CSMD1: variants seen among roughly 807,000 people sequenced by gnomAD.
CSMD1 encodes CUB and Sushi multiple domains 1.
In CSMD1, 213 loss-of-function variants were observed where a neutral mutation model predicts 417.5. The ratio of observed to expected loss-of-function variants is 0.51; its 90% confidence interval spans 0.46 to 0.57. The LOEUF is 0.57. Among genes scored for constraint, CSMD1 ranks in the 20% least tolerant of loss-of-function variants. CSMD1 has a pLI of 0.00. For missense variants in CSMD1, 6,923 were observed against 4,529.7 expected, an observed-to-expected ratio of 1.53 and a Z score of -15.17; for synonymous variants, 2,862 against 1,736.8, an observed-to-expected ratio of 1.65 and a Z score of -16.11.
chr8:4,864,950 G>T (rs10086076), intron 1 of CSMD1, among the ~76,000 whole-genome samples: 10,304 of 89,764 alleles, frequency 0.11, 1,079 homozygotes, highest in African/African-American at 0.29. Flanking sequence ...TATTCTGAAA[G>T]ACATATTTAA....
At chr8:4,071,111 G>A (rs997324175) in intron 3 of CSMD1, among the ~76,000 whole-genome samples, 1 of 151,962 alleles carries the variant, frequency 6.6e-6, no homozygotes, top group Non-Finnish European at 1.5e-5. Context: ...AGAGACTCTT[G>A]AGTCTTTTTT....
At chr8:4,132,368 T>C (rs1447008404) in intron 3 of CSMD1, among the ~76,000 whole-genome samples, 1 of 152,148 alleles carries the variant, frequency 6.6e-6, no homozygotes, top group Non-Finnish European at 1.5e-5. Flanking sequence ...GTAGAATACA[T>C]CTTGACTTTG....
intron 4 of CSMD1, among the ~76,000 whole-genome samples, chr8:4,017,456 A>T (rs1414731993): frequency 2.0e-5 from 3 of 151,976 alleles, no homozygotes; most frequent in Non-Finnish European, 4.4e-5. Context: ...ACAGGCATGC[A>T]CCAGCATTCC....
At chr8:4,432,113 T>A (rs190237962) in intron 2 of CSMD1, among the ~76,000 whole-genome samples, 1 of 152,266 alleles carries the variant, frequency 6.6e-6, no homozygotes, top group African/African-American at 2.4e-5. Context: ...TTCAAAAAGG[T>A]GATTATATAA....
chr8:4,114,721 G>C (rs1175294113), intron 3 of CSMD1, among the ~76,000 whole-genome samples: 1 of 152,144 alleles, frequency 6.6e-6, no homozygotes, highest in Non-Finnish European at 1.5e-5. Context: ...TAGGAGTTTA[G>C]AAGAAGTTGA....
intron 5 of CSMD1, among the ~76,000 whole-genome samples, chr8:3,987,110 A>C (rs2627387): frequency 0.29 from 44,384 of 152,018 alleles, 6,978 homozygotes; most frequent in African/African-American, 0.42. Flanking sequence ...CTTTCTCCCA[A>C]CTTACTGGAA....
chr8:4,031,625 G>T (rs72624012), intron 4 of CSMD1, among the ~76,000 whole-genome samples: 23,156 of 152,022 alleles, frequency 0.15, 2,408 homozygotes, highest in East Asian at 0.39. Flanking sequence ...TGTGGTCCAA[G>T]CATGACTTTT....
At chr8:4,455,929 C>CAA (rs71207091) in intron 2 of CSMD1, among the ~76,000 whole-genome samples, 339 of 11,616 alleles carry the variant, frequency 0.029, 90 homozygotes, top group East Asian at 0.075. Context: ...ACTCCAACTC[C>CAA]AAAAAAAAAA....
intron 12 of CSMD1, among the ~76,000 whole-genome samples, chr8:3,439,309 A>ATATATATTTTTTTTT: frequency 8.0e-5 from 5 of 62,462 alleles, no homozygotes; most frequent in Admixed American, 2.2e-4. Flanking sequence ...ATATATATAT[A>ATATATATTTTTTTTT]TTTTTTTTTT....
intron 2 of CSMD1, among the ~76,000 whole-genome samples, chr8:4,575,666 T>C (rs1473633675): frequency 6.6e-6 from 1 of 152,168 alleles, no homozygotes; most frequent in Admixed American, 6.6e-5. Context: ...GGAATAAAAT[T>C]GTCTAAATAC....
At chr8:4,321,451 C>T (rs1040865188) in intron 3 of CSMD1, among the ~76,000 whole-genome samples, 2 of 152,114 alleles carry the variant, frequency 1.3e-5, no homozygotes, top group African/African-American at 4.8e-5. Context: ...GGGAATCTTA[C>T]CTTATCACTC....
At chr8:4,131,393 C>A (rs1003296572) in intron 3 of CSMD1, among the ~76,000 whole-genome samples, 2 of 152,100 alleles carry the variant, frequency 1.3e-5, no homozygotes, top group South Asian at 2.1e-4. Context: ...ATCCCTTAAG[C>A]CTTCCTTGAG....
chr8:4,798,760 G>T (rs1378018282), intron 1 of CSMD1, among the ~76,000 whole-genome samples: 1 of 152,158 alleles, frequency 6.6e-6, no homozygotes, highest in Non-Finnish European at 1.5e-5. Flanking sequence ...ACATTATGCT[G>T]ATAAAAACCT....
intron 1 of CSMD1, among the ~76,000 whole-genome samples, chr8:4,793,704 G>A (rs1243285443): frequency 2.6e-5 from 4 of 152,078 alleles, no homozygotes; most frequent in African/African-American, 7.2e-5. Flanking sequence ...AGAGGTTGGA[G>A]GCCAAATCTT....
At chr8:4,532,253 C>T (rs1212468431) in intron 2 of CSMD1, among the ~76,000 whole-genome samples, 1 of 149,738 alleles carries the variant, frequency 6.7e-6, no homozygotes, top group Non-Finnish European at 1.5e-5. Flanking sequence ...TCCTGCACCC[C>T]CATTCACAGT....
rs79102003 is a variant in CSMD1, at chr8:3,542,106, T to C, written c.1344+32839A>G. Among the ~76,000 whole-genome samples, 288 of 152,326 alleles carry C rather than the reference T, an allele frequency of 1.9e-3. 2 individuals are homozygous for C. Among genetic ancestry groups the C allele is most frequent in the African/African-American group, 6.7e-3 (279 of 41,568 alleles). On this transcript the variant is annotated intron_variant, in intron 10 of 69. Coordinates refer to ENST00000635120, the MANE Select transcript of CSMD1 (RefSeq NM_033225.6). The stretch of plus-strand genomic sequence containing the variant: ...ACTGTGCTCTATAGTCTTTAAAAAA[T>C]TCAACAGAGACTCTTTTATTTCCTA...
chr8:3,530,850 C>G (rs1294595414), intron 10 of CSMD1, among the ~76,000 whole-genome samples: 1 of 138,910 alleles, frequency 7.2e-6, no homozygotes, highest in African/African-American at 2.6e-5. Context: ...ATCTTGACGC[C>G]TCTCCTTTTT....
chr8:3,345,148 C>T (rs1335617928), intron 22 of CSMD1, among the ~76,000 whole-genome samples: 1 of 152,150 alleles, frequency 6.6e-6, no homozygotes, highest in Non-Finnish European at 1.5e-5. Context: ...CTCAGTGAAG[C>T]CCCTGCTGGG....
chr8:3,168,140 A>T (rs1221037603), intron 37 of CSMD1, among the ~76,000 whole-genome samples: 1 of 152,208 alleles, frequency 6.6e-6, no homozygotes, highest in African/African-American at 2.4e-5. Flanking sequence ...ACCCATGTGA[A>T]GAGATTAATA....
Sources: allele counts gnomAD v4.1 joint callset (sites outside exome capture counted in the v4.1 genomes callset), GRCh38; gene constraint gnomAD v4.1.1; transcripts MANE v1.5; gene names NCBI Gene and HGNC (gene_info 2026-07-23, HGNC 2026-07-21).